The following JADE3 variants were observed in gnomAD, a reference collection of about 807,000 sequenced individuals.
JADE3 encodes the protein protein Jade-3.
A neutral mutation model predicts 50.1 loss-of-function variants in JADE3; 2 were observed. The ratio of observed to expected loss-of-function variants is 0.04; its 90% confidence interval spans 0.02 to 0.13. The LOEUF is 0.13. JADE3 is among the 10% of genes least tolerant of loss of function. The probability of loss-of-function intolerance (pLI) is 1.00; values close to 1 mark genes in which losing one functional copy is unlikely to be tolerated. For synonymous variants in JADE3, 218 were observed against 232.9 expected (o/e 0.94, Z 0.58); for missense variants, 475 against 634.4 (o/e 0.75, Z 2.70).
At chrX:46,936,041 T>C (rs182015338) in intron 1 of JADE3, among the ~76,000 whole-genome samples, 1,768 of 89,025 alleles carry the variant, frequency 0.02, 37 homozygotes, top group Middle Eastern at 0.058. Context: ...TTTTTTGAGA[T>C]AGAGTCTCAC....
chrX:47,037,680 G>A (rs1165222801), intron 7 of JADE3, among the ~76,000 whole-genome samples: 1 of 111,669 alleles, frequency 9.0e-6, no homozygotes, highest in Admixed American at 9.5e-5. Context: ...ATATATTTAC[G>A]GGATGCATGA....
chrX:46,918,629 G>A (rs1424099577), intron 1 of JADE3, among the ~76,000 whole-genome samples: 2 of 111,705 alleles, frequency 1.8e-5, no homozygotes, highest in Non-Finnish European at 3.8e-5. Context: ...GGGGGAGGGT[G>A]GTTAGCTGGT....
intron 1 of JADE3, among the ~76,000 whole-genome samples, chrX:46,946,678 G>A (rs1389501783): frequency 8.9e-6 from 1 of 111,860 alleles, no homozygotes; most frequent in Non-Finnish European, 1.9e-5. Context: ...ACCTCACACC[G>A]GATTGCAAGA....
At chrX:46,982,965 A>T (rs1313305635) in intron 1 of JADE3, among the ~76,000 whole-genome samples, 1 of 111,519 alleles carries the variant, frequency 9.0e-6, no homozygotes, top group East Asian at 2.8e-4. Context: ...AGTAGCTGAG[A>T]TTACAGGCGC....
chrX:46,912,529 G>C lies in JADE3; in HGVS notation c.-202G>C, dbSNP rs1925980825. ...GGCCGGGCGGACGAGGGCCGAGGGC[G>C]GGAGCTGAGGCGCGGGGGGCGGCCC... On this transcript the variant is annotated 5_prime_UTR_variant, in exon 1 of 11. Coordinates refer to ENST00000614628, the MANE Select transcript of JADE3 (RefSeq NM_014735.5). The C allele has an allele frequency of 8.9e-6, 1 of 111,945 alleles. No homozygotes were observed. Among genetic ancestry groups the C allele is most frequent in the Non-Finnish European group, 1.9e-5 (1 of 52,899 alleles). The allele number at this position is 111,945 out of a possible 1,213,427, so 9.2% of individuals were successfully genotyped here. A position where few individuals can be genotyped will look rare whatever the true frequency, so the allele number is the denominator to read the frequency against.
chrX:47,039,739 C>CT (rs1273951909), intron 8 of JADE3, among the ~76,000 whole-genome samples: 1 of 111,831 alleles, frequency 8.9e-6, no homozygotes, highest in Non-Finnish European at 1.9e-5. Context: ...GACATGATTT[C>CT]TTTTTTTGTT....
At chrX:46,999,453 CAT>C (rs1196560020) in intron 4 of JADE3, among the ~76,000 whole-genome samples, 9 of 99,993 alleles carry the variant, frequency 9.0e-5, no homozygotes, top group Non-Finnish European at 1.6e-4. Context: ...ATATATATAA[CAT>C]ATATATACAT....
intron 1 of JADE3, among the ~76,000 whole-genome samples, chrX:46,929,150 T>A (rs1926438091): frequency 9.0e-6 from 1 of 111,494 alleles, no homozygotes; most frequent in African/African-American, 3.3e-5. Context: ...TTAAACAATG[T>A]TAACACCAGG....
At chrX:47,054,745 C>T (rs782042073) in intron 9 of JADE3, 117 bp downstream of exon 9, 7 of 463,914 alleles carry the variant, frequency 1.5e-5, no homozygotes, top group Non-Finnish European at 2.5e-5. Flanking sequence ...TGTGTCCTTG[C>T]TTATCTTCTG....
intron 1 of JADE3, among the ~76,000 whole-genome samples, chrX:46,973,285 G>A (rs1927539799): frequency 8.9e-6 from 1 of 112,384 alleles, no homozygotes; most frequent in Non-Finnish European, 1.9e-5. Context: ...TTCCTTGGAT[G>A]TTTTTTGAGG....
chrX:47,013,576 C>T (rs1459935685), intron 4 of JADE3, among the ~76,000 whole-genome samples: 1 of 110,544 alleles, frequency 9.0e-6, no homozygotes, highest in Non-Finnish European at 1.9e-5. Flanking sequence ...GAGAACTGAG[C>T]GTCCTGGGAA....
intron 1 of JADE3, among the ~76,000 whole-genome samples, chrX:46,944,588 G>A (rs1305989559): frequency 9.0e-6 from 1 of 110,888 alleles, no homozygotes; most frequent in Non-Finnish European, 1.9e-5. Context: ...GATTACAGGA[G>A]TGAGCCACCA....
chrX:46,968,780 C>T (rs184214921), intron 1 of JADE3, among the ~76,000 whole-genome samples: 1 of 110,154 alleles, frequency 9.1e-6, no homozygotes, highest in African/African-American at 3.3e-5. Context: ...TCAAAGAACA[C>T]AAAGCAAAAC....
At chrX:47,050,616 TA>T (rs1929485204) in intron 8 of JADE3, among the ~76,000 whole-genome samples, 1 of 112,190 alleles carries the variant, frequency 8.9e-6, no homozygotes, top group East Asian at 2.8e-4. Flanking sequence ...TAAAAGGTAT[TA>T]TATTTTTCAT....
At chrX:46,959,401 CTTCA>C (rs1556347210) in intron 1 of JADE3, among the ~76,000 whole-genome samples, 5 of 112,161 alleles carry the variant, frequency 4.5e-5, no homozygotes, top group Non-Finnish European at 9.4e-5. Flanking sequence ...CTGATTCATT[CTTCA>C]TTCATATGTT....
At chrX:47,020,668 C>T (rs1266721912) in intron 4 of JADE3, among the ~76,000 whole-genome samples, 2 of 111,986 alleles carry the variant, frequency 1.8e-5, no homozygotes, top group Admixed American at 9.5e-5. Flanking sequence ...TCAAGATACA[C>T]GAGGAAAGAT....
At chrX:46,974,383 C>T (rs1422367421) in intron 1 of JADE3, among the ~76,000 whole-genome samples, 1 of 110,276 alleles carries the variant, frequency 9.1e-6, no homozygotes, top group Non-Finnish European at 1.9e-5. Flanking sequence ...CCAGCTTGGG[C>T]GACAGAGTGA....
chrX:46,921,252 A>AT (rs1420519029), intron 1 of JADE3, among the ~76,000 whole-genome samples: 10 of 111,718 alleles, frequency 9.0e-5, no homozygotes, highest in Non-Finnish European at 1.7e-4. Context: ...ATTTTTAAAT[A>AT]TTTTTTGTGC....
chrX:47,043,967 T>C (rs1929322629), intron 8 of JADE3, among the ~76,000 whole-genome samples: 1 of 110,583 alleles, frequency 9.0e-6, no homozygotes, highest in Non-Finnish European at 1.9e-5. Flanking sequence ...GACAAGCTAT[T>C]TGAAAATGCA....
Sources: gnomAD v4.1 joint callset for allele counts (sites outside exome capture counted in the v4.1 genomes callset) on GRCh38, gnomAD v4.1.1 for gene constraint, MANE v1.5 for transcripts, NCBI Gene and HGNC (gene_info 2026-07-23, HGNC 2026-07-21) for gene names.